ACAD10: variants seen among roughly 807,000 people sequenced by gnomAD.
The protein encoded by ACAD10 is ACAD-10.
A neutral mutation model predicts 116.8 loss-of-function variants in ACAD10; 112 were observed. The observed-to-expected ratio is 0.96, with a 90% CI of 0.82 to 1.12. ACAD10 has a LOEUF of 1.12. ACAD10 is among the 50% of genes most tolerant of loss of function. ACAD10 has a pLI of 0.00. For missense variants in ACAD10, 1,259 were observed against 1,350.2 expected (o/e 0.93, Z 1.06); for synonymous variants, 486 against 510.6 (o/e 0.95, Z 0.65).
At chr12:111,724,284 G>A (rs1566155457) in intron 8 of ACAD10, among the ~76,000 whole-genome samples, 3 of 151,742 alleles carry the variant, frequency 2.0e-5, no homozygotes, top group Admixed American at 6.6e-5. Context: ...TCCTAGATGG[G>A]ATGGCGGCGG....
chr12:111,738,638 G>A (rs901981388), intron 12 of ACAD10, among the ~76,000 whole-genome samples: 1 of 151,958 alleles, frequency 6.6e-6, no homozygotes, highest in African/African-American at 2.4e-5. Flanking sequence ...AGGCCAAGGT[G>A]AGCAGATCAC....
Position 111,756,606 on chromosome 12 carries a change from G to A in ACAD10, c.*133G>A, listed in dbSNP as rs2068087097. The A allele has an allele frequency of 1.4e-6, 2 of 1,385,998 alleles. No homozygotes were observed. Among genetic ancestry groups the A allele is most frequent in the Non-Finnish European group, 2.0e-6 (2 of 1,010,694 alleles). 85.9% of individuals were successfully genotyped at this position (1,385,998 alleles called of 1,614,324 possible). On this transcript the variant is annotated 3_prime_UTR_variant, in exon 21 of 21. Coordinates refer to ENST00000313698, the MANE Select transcript of ACAD10 (RefSeq NM_025247.6). Reference sequence around the variant, plus strand: ...AGCAGCTCTGTCCCGGGACAGTCAGGGTGGACTCAATCTTTCTGGTTCTCC... The same window carrying A: ...AGCAGCTCTGTCCCGGGACAGTCAGAGTGGACTCAATCTTTCTGGTTCTCC...
chr12:111,693,835 G>A (rs894261191), intron 2 of ACAD10, among the ~76,000 whole-genome samples: 2 of 152,152 alleles, frequency 1.3e-5, no homozygotes, highest in Non-Finnish European at 2.9e-5. Flanking sequence ...ACTGAAACAA[G>A]CTAGAAGTTT....
At chr12:111,754,028 G>A in intron 19 of ACAD10, 113 bp downstream of exon 19, 1 of 1,407,268 alleles carries the variant, frequency 7.1e-7, no homozygotes, top group East Asian at 2.5e-5. Flanking sequence ...ACCTCTACTT[G>A]GAGCTGTTTG....
At chr12:111,688,001 G>A (rs762018077) in intron 1 of ACAD10, 10 of 152,072 alleles carry the variant, frequency 6.6e-5, no homozygotes, top group South Asian at 2.1e-4. Flanking sequence ...AAGTAGCTGG[G>A]ACTACAGGCA....
intron 9 of ACAD10, among the ~76,000 whole-genome samples, chr12:111,728,678 AG>A: frequency 6.6e-6 from 1 of 151,962 alleles, no homozygotes; most frequent in African/African-American, 2.4e-5. Flanking sequence ...CAGTTTCAAC[AG>A]GGATAGTTTT....
rs921328568 is a variant in ACAD10 at position 111,702,068 on chromosome 12, G to A, written c.188-94G>A. ...ACAGCATCCACCCTGGCAGTACAGC[G>A]AGTCCGTAGGAACTGGTATGGTAAT... On this transcript the variant is annotated intron_variant, in intron 2 of 20. Coordinates refer to ENST00000313698, the MANE Select transcript of ACAD10 (RefSeq NM_025247.6). 18 of 1,329,266 alleles carry A rather than the reference G, an allele frequency of 1.4e-5. No individual in the cohort carries two copies. In the South Asian group the frequency reaches 1.4e-4, roughly 10 times the overall value. 82.3% of individuals were successfully genotyped at this position (1,329,266 alleles called of 1,614,324 possible).
intron 10 of ACAD10, 62 bp downstream of exon 10, chr12:111,730,018 G>A: frequency 1.9e-6 from 3 of 1,565,868 alleles, no homozygotes; most frequent in Non-Finnish European, 2.6e-6. Context: ...GGGGAATTGA[G>A]CAATTGGTCT....
chr12:111,723,704 C>T (rs1472390459), intron 8 of ACAD10, among the ~76,000 whole-genome samples: 1 of 150,878 alleles, frequency 6.6e-6, no homozygotes, highest in South Asian at 2.1e-4. Flanking sequence ...CCACCTCCCT[C>T]CCGGACGGGG....
chr12:111,699,828 A>G (rs983933640), intron 2 of ACAD10, among the ~76,000 whole-genome samples: 1 of 152,110 alleles, frequency 6.6e-6, no homozygotes, highest in Non-Finnish European at 1.5e-5. Context: ...GCTAAGGCAG[A>G]AGGATCACTT....
chr12:111,714,904 C>T (rs145674511), intron 6 of ACAD10, among the ~76,000 whole-genome samples: 5 of 151,922 alleles, frequency 3.3e-5, no homozygotes, highest in East Asian at 2.0e-4. Flanking sequence ...GTAGTAGAGA[C>T]GGGGTTTCAC....
At position 111,756,413 on chromosome 12, in the gene ACAD10, C is replaced by A. The variant is rs150695142; in HGVS notation, c.3120C>A (p.Asp1040Glu). Residue 1040 changes from aspartate (D) to glutamate (E), a missense_variant, in exon 21 of 21, where the codon GAC becomes GAA. Asp to Glu is a conservative substitution (Grantham distance 45, BLOSUM62 2). Transcript: ENST00000313698. ...GGGCCCGAGCCCTGCGCTTTGCCGA[C>A]GGCCCTGACGAGGTGCACCGGGCCA... Reference protein sequence around the residue: ...FTWARALRFADGPDEVHRATV... With the variant: ...FTWARALRFAEGPDEVHRATV... The A allele has an allele frequency of 6.2e-7, 1 of 1,612,320 alleles. No individual in the cohort carries two copies. The highest frequency in any genetic ancestry group is 8.5e-7 in the Non-Finnish European group (1 of 1,179,788).
intron 2 of ACAD10, among the ~76,000 whole-genome samples, chr12:111,701,857 A>G (rs1279843404): frequency 2.6e-5 from 4 of 152,192 alleles, no homozygotes; most frequent in East Asian, 1.9e-4. Context: ...GTGACCTAAC[A>G]TATGGTCCAG....
intron 1 of ACAD10, among the ~76,000 whole-genome samples, chr12:111,686,648 G>C (rs928069226): frequency 1.3e-5 from 2 of 152,164 alleles, no homozygotes; most frequent in Non-Finnish European, 2.9e-5. Context: ...CCCGGGAGGC[G>C]GAGGTTGCAG....
chr12:111,748,150 G>A (rs759761168), intron 16 of ACAD10, among the ~76,000 whole-genome samples, 167 bp from the exon 17 acceptor site: 2 of 152,190 alleles, frequency 1.3e-5, no homozygotes, highest in Admixed American at 6.5e-5. Flanking sequence ...AACCCAATTT[G>A]CTCTTATTTC....
At chr12:111,726,952 G>A (rs1003111277) in intron 8 of ACAD10, among the ~76,000 whole-genome samples, 1 of 152,092 alleles carries the variant, frequency 6.6e-6, no homozygotes, top group African/African-American at 2.4e-5. Flanking sequence ...CCAACCAGGT[G>A]CAGTGGCTCA....
chr12:111,738,182 C>T (rs1045252832), intron 12 of ACAD10, among the ~76,000 whole-genome samples: 1 of 152,038 alleles, frequency 6.6e-6, no homozygotes, highest in Non-Finnish European at 1.5e-5. Flanking sequence ...AGGTAAAACC[C>T]CTGTGGTCTT....
intron 8 of ACAD10, chr12:111,721,964 CA>C: frequency 2.7e-6 from 1 of 369,352 alleles, no homozygotes; most frequent in Non-Finnish European, 4.8e-6. Context: ...TTTTAACATT[CA>C]AAAAATACAT....
Position 111,747,516 on chromosome 12 carries a change from C to T in ACAD10, c.2485+131C>T. On this transcript the variant is annotated intron_variant, in intron 16 of 20. Coordinates refer to ENST00000313698, the MANE Select transcript of ACAD10 (RefSeq NM_025247.6). ...AAGGAGATTCTGTCACTTAGCGCCC[C>T]CAGCAGAGGCAGCTGGGAGAATAGG... 4 of 1,515,078 alleles carry T rather than the reference C, an allele frequency of 2.6e-6. No individual in the cohort carries two copies. The South Asian group carries it at 3.8e-5, about 15-fold the overall frequency. 93.9% of individuals were successfully genotyped at this position (1,515,078 alleles called of 1,614,324 possible). A position where few individuals can be genotyped will look rare whatever the true frequency, so the allele number is the denominator to read the frequency against.
Sources: gnomAD v4.1 joint callset for allele counts (sites outside exome capture counted in the v4.1 genomes callset) on GRCh38, gnomAD v4.1.1 for gene constraint, MANE v1.5 for transcripts, NCBI Gene and HGNC (gene_info 2026-07-23, HGNC 2026-07-21) for gene names.